Variants in SOX5 observed in about 807,000 individuals in gnomAD.
SOX5 encodes the protein transcription factor SOX-5.
In SOX5, 9 loss-of-function variants were observed where a neutral mutation model predicts 92.0. The observed-to-expected ratio is 0.10, with a 90% CI of 0.06 to 0.17. The LOEUF (loss-of-function observed/expected upper bound fraction) is 0.17. Ranked by LOEUF, SOX5 falls within the 10% of genes least tolerant of loss-of-function variation. SOX5 has a pLI of 1.00. For missense variants in SOX5, 642 were observed against 944.5 expected (o/e 0.68, Z 4.20); for synonymous variants, 344 against 336.3 (o/e 1.02, Z -0.25).
At chr12:23,576,576 C>T (rs186009093) in intron 9 of SOX5, among the ~76,000 whole-genome samples, 59 of 152,146 alleles carry the variant, frequency 3.9e-4, no homozygotes, top group Non-Finnish European at 6.6e-4. Context: ...ATATGTGTCA[C>T]GAAGATCATG....
At chr12:24,458,420 T>C (rs1436444883) in intron 1 of SOX5, among the ~76,000 whole-genome samples, 3 of 152,162 alleles carry the variant, frequency 2.0e-5, no homozygotes. Flanking sequence ...TTTTTCTTCA[T>C]CTTCCAGGGT....
intron 4 of SOX5, among the ~76,000 whole-genome samples, chr12:23,957,029 T>C (rs1053389104): frequency 6.6e-6 from 1 of 152,192 alleles, no homozygotes; most frequent in African/African-American, 2.4e-5. Context: ...AATTACAAAC[T>C]TCTGTTTCTA....
At chr12:23,742,634 G>A (rs2093838785) in intron 4 of SOX5, among the ~76,000 whole-genome samples, 1 of 152,064 alleles carries the variant, frequency 6.6e-6, no homozygotes. Context: ...TACACACTAG[G>A]AATACCAATA....
intron 1 of SOX5, among the ~76,000 whole-genome samples, chr12:24,372,677 T>C (rs1956858477): frequency 6.6e-6 from 1 of 152,204 alleles, no homozygotes; most frequent in Non-Finnish European, 1.5e-5. Context: ...ATTGTATTTC[T>C]AGTTCTAGAT....
chr12:23,617,038 T>C (rs2076639253), intron 8 of SOX5, among the ~76,000 whole-genome samples: 1 of 151,114 alleles, frequency 6.6e-6, no homozygotes, highest in South Asian at 2.1e-4. Flanking sequence ...GACAGGGGGA[T>C]TGCTTGAGCC....
chr12:23,625,755 G>A (rs1225584994), intron 8 of SOX5, among the ~76,000 whole-genome samples: 2 of 152,056 alleles, frequency 1.3e-5, no homozygotes, highest in African/African-American at 2.4e-5. Context: ...GATTACAGGC[G>A]CCTGCCACCA....
chr12:24,285,681 T>C (rs1050162844), intron 2 of SOX5, among the ~76,000 whole-genome samples: 3 of 152,208 alleles, frequency 2.0e-5, no homozygotes, highest in East Asian at 1.9e-4. Flanking sequence ...AGACAAGACA[T>C]GTTTAACATG....
intron 4 of SOX5, among the ~76,000 whole-genome samples, chr12:23,976,161 G>A (rs1251429513): frequency 1.3e-5 from 2 of 151,768 alleles, no homozygotes; most frequent in African/African-American, 4.8e-5. Flanking sequence ...TCCTTAGATA[G>A]TCATAAAATA....
intron 6 of SOX5, among the ~76,000 whole-genome samples, chr12:23,691,504 C>T (rs529391464): frequency 5.0e-4 from 76 of 152,156 alleles, no homozygotes; most frequent in African/African-American, 1.8e-3. Flanking sequence ...ATTTCCTGGA[C>T]CTAGTGTTTC....
chr12:24,348,321 T>G (rs1953595164), intron 2 of SOX5, among the ~76,000 whole-genome samples: 1 of 151,984 alleles, frequency 6.6e-6, no homozygotes, highest in African/African-American at 2.4e-5. Context: ...CCTACCTTGC[T>G]TCAAGCTCAT....
At chr12:23,856,799 A>G (rs2096696151) in intron 2 of SOX5, among the ~76,000 whole-genome samples, 1 of 152,140 alleles carries the variant, frequency 6.6e-6, no homozygotes, top group South Asian at 2.1e-4. Context: ...TACATGCAAG[A>G]GAAGTTTAGA....
intron 3 of SOX5, among the ~76,000 whole-genome samples, chr12:24,240,437 A>T (rs1769104253): frequency 6.6e-6 from 1 of 152,182 alleles, no homozygotes; most frequent in South Asian, 2.1e-4. Flanking sequence ...ACAAAGATGC[A>T]ATTTATGGCA....
chr12:24,461,345 T>C (rs1265291925), intron 1 of SOX5, among the ~76,000 whole-genome samples: 2 of 122,460 alleles, frequency 1.6e-5, no homozygotes, highest in Non-Finnish European at 3.6e-5. Flanking sequence ...TACTGTGCAA[T>C]ATGAAAGATA....
intron 1 of SOX5, among the ~76,000 whole-genome samples, chr12:23,919,639 A>G (rs143132591): frequency 0.01 from 1,540 of 152,228 alleles, 19 homozygotes; most frequent in African/African-American, 0.035. Context: ...CTTTACGGCC[A>G]AGGAAGCCAA....
intron 9 of SOX5, 56 bp from the exon 10 acceptor site, chr12:23,575,894 T>C: frequency 1.4e-6 from 2 of 1,381,906 alleles, no homozygotes; most frequent in Non-Finnish European, 2.0e-6. Flanking sequence ...AAAAAATGCC[T>C]AGAAAAACAC....
At chr12:23,615,930 A>C (rs556062413) in intron 8 of SOX5, among the ~76,000 whole-genome samples, 1 of 152,340 alleles carries the variant, frequency 6.6e-6, no homozygotes, top group South Asian at 2.1e-4. Context: ...CTATTATCAA[A>C]ATATTCATAA....
At chr12:24,034,569 G>GTTT (rs1955833583) in intron 4 of SOX5, among the ~76,000 whole-genome samples, 1 of 101,070 alleles carries the variant, frequency 9.9e-6, no homozygotes, top group African/African-American at 3.4e-5. Context: ...TGCTCGGGAG[G>GTTT]ATTTTTTTTT....
At chr12:23,905,709 A>T (rs1005607028) in intron 1 of SOX5, among the ~76,000 whole-genome samples, 4 of 152,212 alleles carry the variant, frequency 2.6e-5, no homozygotes, top group African/African-American at 9.6e-5. Context: ...TTACAGGAAC[A>T]TTTGTGACTC....
At chr12:23,554,044 G>C (rs1388546041) in intron 11 of SOX5, among the ~76,000 whole-genome samples, 1 of 151,794 alleles carries the variant, frequency 6.6e-6, no homozygotes, top group Non-Finnish European at 1.5e-5. Context: ...CAGGGTTATA[G>C]TTCTCTTTTC....
Sources: gnomAD v4.1 joint callset for allele counts (sites outside exome capture counted in the v4.1 genomes callset) on GRCh38, gnomAD v4.1.1 for gene constraint, MANE v1.5 for transcripts, NCBI Gene and HGNC (gene_info 2026-07-23, HGNC 2026-07-21) for gene names.